Variants in CUL9 observed in about 807,000 individuals in gnomAD.
CUL9 encodes the protein cullin-9.
In CUL9, 79 loss-of-function variants were observed where a neutral mutation model predicts 272.6. That is an observed-to-expected ratio of 0.29 (90% CI 0.24 to 0.35). CUL9 has a LOEUF of 0.35. CUL9 is among the 10% of genes least tolerant of loss of function. CUL9 has a pLI of 1.00. For missense variants in CUL9, 2,532 were observed against 3,255.6 expected (o/e 0.78, Z 5.41); for synonymous variants, 1,186 against 1,286.5 (o/e 0.92, Z 1.67).
At chr6:43,205,473 G>A (rs1774973871) in intron 24 of CUL9, 50 bp downstream of exon 24, 2 of 1,586,024 alleles carry the variant, frequency 1.3e-6, no homozygotes, top group Non-Finnish European at 1.7e-6. Flanking sequence ...GATCTAGAGA[G>A]TGGAAAGATT....
chr6:43,200,105 C>T lies in CUL9; in HGVS notation c.3333C>T (p.Tyr1111=), dbSNP rs749934079. The stretch of plus-strand genomic sequence containing the variant: ...ACCTGGTGACAGAGTGTGAGAAGTA[C>T]GCACAGCTCTATAGCAACCTCACCT... ...LRDLVTECEK[Y]AQLYSNLTSS... The change falls in exon 14 of 41, where the codon TAC becomes TAT. Residue 1111 remains tyrosine, a synonymous_variant. Transcript: ENST00000252050. The surrounding 1 kb of genome is among the most constrained non-coding windows in gnomAD (Gnocchi z 4.0). The T allele has an allele frequency of 6.9e-5, 112 of 1,614,182 alleles. No homozygotes were observed. The highest frequency in any genetic ancestry group is 8.6e-5 in the Non-Finnish European group (102 of 1,180,028).
chr6:43,188,552 C>A lies in CUL9; in HGVS notation c.2017C>A (p.Pro673Thr). ...EMARALRGPG[P>T]RSSLDQHVAA... ...GGCCAGAGCCTTGCGGGGTCCCGGT[C>A]CTCGCAGCTCCCTGGATCAGCATGT... Residue 673 changes from proline to threonine, a missense_variant, in exon 8 of 41, where the codon CCT becomes ACT. Around this residue, in one of 3 missense-constraint regions of CUL9, gnomAD observed 2,218 missense variants for 2,788.6 expected, o/e 0.80. Transcript: ENST00000252050. The A allele has an allele frequency of 6.2e-7, 1 of 1,612,416 alleles. No homozygotes were observed. The highest frequency in any genetic ancestry group is 1.1e-5 in the South Asian group (1 of 90,818).
rs751659511 is a variant in CUL9, at chr6:43,200,179, C to G, written c.3384+23C>G. 1.9e-6 allele frequency: 3 copies of G among 1,598,538 alleles called. No homozygotes were observed. The highest frequency in any genetic ancestry group is 2.6e-6 in the Non-Finnish European group (3 of 1,167,566). On this transcript the variant is annotated intron_variant, in intron 14 of 40. Coordinates refer to ENST00000252050, the MANE Select transcript of CUL9 (RefSeq NM_015089.4). The surrounding 1 kb of genome is among the most constrained non-coding windows in gnomAD (Gnocchi z 4.0). The stretch of plus-strand genomic sequence containing the variant: ...CAGGTGAGGAGCGGCTGTGGGTATG[C>G]AGCTGAGAGAATGCAAGTCAGAAGC...
In CUL9 at chr6:43,196,265, G is replaced by A. The variant is rs1287142415; in HGVS notation, c.2585G>A (p.Gly862Glu). 2.5e-6 allele frequency: 4 copies of A among 1,611,984 alleles called. No homozygotes were observed. The highest frequency in any genetic ancestry group is 3.4e-6 in the Non-Finnish European group (4 of 1,179,120). ...GTGATCCTGATGCTGAATACTGAGG[G>A]GTCAGGGCATTACCTTCCCAACTCC... The part of the protein sequence containing the change: ...AAVILMLNTE[G>E]CSSAARNGLL... The change falls in exon 10 of 41, where the codon GGG becomes GAG. Residue 862 changes from glycine to glutamate, a missense_variant and splice_region_variant. Around this residue, in one of 3 missense-constraint regions of CUL9, gnomAD observed 2,218 missense variants for 2,788.6 expected, o/e 0.80. Coordinates refer to ENST00000252050, the MANE Select transcript of CUL9 (RefSeq NM_015089.4).
At chr6:43,201,481 A>T (rs1438317591) in intron 16 of CUL9, among the ~76,000 whole-genome samples, 3 of 152,164 alleles carry the variant, frequency 2.0e-5, no homozygotes, top group African/African-American at 7.2e-5. Context: ...CTTTATTTTT[A>T]TTTTTTTATA....
chr6:43,187,571 C>A, intron 6 of CUL9, 132 bp downstream of exon 6: 1 of 1,323,778 alleles, frequency 7.6e-7, no homozygotes, highest in Non-Finnish European at 1.1e-6. Flanking sequence ...AGGAGTCCTG[C>A]TGGGGGTTGG....
At position 43,184,597 on chromosome 6, in the gene CUL9, T is replaced by C; in HGVS notation, c.287T>C (p.Val96Ala). 1 of 1,612,210 alleles carries C rather than the reference T, an allele frequency of 6.2e-7. No homozygotes were observed. The highest frequency in any genetic ancestry group is 8.5e-7 in the Non-Finnish European group (1 of 1,178,622). ...SKGLQHEPAG[V>A]SGSFPRDPGG... ...GGACTTCAGCACGAACCAGCTGGGG[T>C]TTCAGGAAGCTTTCCTCGAGATCCA... The change falls in exon 2 of 41, where the codon GTT becomes GCT. Residue 96 changes from valine to alanine, a missense_variant. Val to Ala is a moderately conservative substitution (Grantham distance 64). Coordinates refer to ENST00000252050, the MANE Select transcript of CUL9 (RefSeq NM_015089.4). This position sits in a 1 kb window ranked among gnomAD's most constrained non-coding sequence, Gnocchi z 4.8.
At position 43,222,657 on chromosome 6, in the gene CUL9, GGAAGA is replaced by G; in HGVS notation, c.7032+19_7032+23del. 6.2e-7 allele frequency: 1 copy of G among 1,610,938 alleles called. No individual in the cohort carries two copies. Among genetic ancestry groups the G allele is most frequent in the Non-Finnish European group, 8.5e-7 (1 of 1,179,744 alleles). On this transcript the variant is annotated intron_variant, in intron 37 of 40. Transcript: ENST00000252050. ...GGCTCGGAAGGTGGTAGCGGGTGGG[GGAAGA>G]GAGCAGGGGAGGGGTGTGCCAAATG...
Position 43,186,228 on chromosome 6 carries a change from A to G in CUL9, c.1024A>G (p.Ile342Val). The change falls in exon 4 of 41, where the codon ATT (isoleucine) becomes GTT (valine). Residue 342 changes from isoleucine (I) to valine (V), a missense_variant. Around this residue, in one of 3 missense-constraint regions of CUL9, gnomAD observed 2,218 missense variants for 2,788.6 expected, o/e 0.80. Coordinates refer to ENST00000252050, the MANE Select transcript of CUL9 (RefSeq NM_015089.4). ...RPTRSIFQPY[I>V]SGPSLLLPTI... ...AACCCGGTCCATCTTTCAGCCCTACATTTCAGGCCCCAGCCTTTTACTCCC... is the reference window on the plus strand; with the variant it reads ...AACCCGGTCCATCTTTCAGCCCTACGTTTCAGGCCCCAGCCTTTTACTCCC... The G allele has an allele frequency of 1.2e-6, 2 of 1,614,142 alleles. No homozygotes were observed. The highest frequency in any genetic ancestry group is 1.7e-6 in the Non-Finnish European group (2 of 1,180,026).
chr6:43,191,481 A>ATTTTTTTTTTTTT (rs34090146), intron 8 of CUL9, among the ~76,000 whole-genome samples: 28 of 97,442 alleles, frequency 2.9e-4, no homozygotes, highest in African/African-American at 1.3e-3. Flanking sequence ...CACCCAGCTA[A>ATTTTTTTTTTTTT]TTTTTTTTTT....
intron 26 of CUL9, among the ~76,000 whole-genome samples, chr6:43,210,858 A>G (rs1188836318): frequency 6.6e-6 from 1 of 152,144 alleles, no homozygotes; most frequent in Non-Finnish European, 1.5e-5. Flanking sequence ...TAACACCTAT[A>G]TACATATGAT....
rs200928086 is a variant in CUL9 at position 43,215,215 on chromosome 6, G to A, written c.5825G>A (p.Arg1942His). The A allele has an allele frequency of 6.2e-6, 10 of 1,614,218 alleles. No individual in the cohort carries two copies. The highest frequency in any genetic ancestry group is 1.3e-5 in the African/African-American group (1 of 75,062). ...TTAGGCCAGGGCTACGTGAAACGGCGTGATGACCGGCCCCAGATCCTGATG... is the reference window on the plus strand; with the variant it reads ...TTAGGCCAGGGCTACGTGAAACGGCATGATGACCGGCCCCAGATCCTGATG... Reference protein sequence around the residue: ...HLLGQGYVKRRDDRPQILMYA... With the variant: ...HLLGQGYVKRHDDRPQILMYA... The change falls in exon 30 of 41, where the codon CGT becomes CAT. Residue 1942 changes from arginine (R) to histidine (H), a missense_variant. By Grantham distance (29) the Arg-to-His change is conservative (BLOSUM62 0). Around this residue, in one of 3 missense-constraint regions of CUL9, gnomAD observed 2,218 missense variants for 2,788.6 expected, o/e 0.80. Transcript: ENST00000252050.
chr6:43,200,317 G>C lies in CUL9; in HGVS notation c.3385-119G>C. 6.5e-7 allele frequency: 1 copy of C among 1,542,732 alleles called. No individual in the cohort carries two copies. On this transcript the variant is annotated intron_variant, in intron 14 of 40. Transcript: ENST00000252050. The surrounding 1 kb of genome is among the most constrained non-coding windows in gnomAD (Gnocchi z 4.0). ...ACTCCACATGGTTCTGTCAAAATGT[G>C]GGGAGAGAGGAGTTGAGTATACCGT...
intron 16 of CUL9, among the ~76,000 whole-genome samples, chr6:43,201,085 CA>C (rs967516715): frequency 6.6e-6 from 1 of 152,244 alleles, no homozygotes; most frequent in African/African-American, 2.4e-5. Context: ...GGGAGATAAA[CA>C]GCTCACTTAT....
intron 26 of CUL9, among the ~76,000 whole-genome samples, chr6:43,212,511 C>T (rs1775597961): frequency 6.6e-6 from 1 of 152,174 alleles, no homozygotes; most frequent in Admixed American, 6.5e-5. Flanking sequence ...TTTCCACTTC[C>T]AATTATTTTT....
rs568565110 is a variant in CUL9 at position 43,192,993 on chromosome 6, C to G, written c.2181-8C>G. ...GATGGGGAGCCCCAATATCTCTTCT[C>G]TTGTCAGAGAGAAGCTAGTGAAGAT... On this transcript the variant is annotated splice_region_variant and splice_polypyrimidine_tract_variant and intron_variant, in intron 8 of 40. Transcript: ENST00000252050. 1.4e-5 allele frequency: 23 copies of G among 1,613,730 alleles called. No individual in the cohort carries two copies. In the East Asian group the frequency reaches 4.5e-4, roughly 31 times the overall value.
In CUL9 at chr6:43,223,454, C is replaced by T; in HGVS notation, c.7284+57C>T. On this transcript the variant is annotated intron_variant, in intron 39 of 40. Coordinates refer to ENST00000252050, the MANE Select transcript of CUL9 (RefSeq NM_015089.4). This position sits in a 1 kb window ranked among gnomAD's most constrained non-coding sequence, Gnocchi z 4.1. ...GCATTCTGCGGGAGTTGAGGTCCTC[C>T]TGTCCCAGCACAGCCCCTGCCCTGG... The T allele has an allele frequency of 6.5e-7, 1 of 1,531,522 alleles. No individual in the cohort carries two copies. The highest frequency in any genetic ancestry group is 8.8e-7 in the Non-Finnish European group (1 of 1,131,788). The allele number at this position is 1,531,522 out of a possible 1,614,324, so 94.9% of individuals were successfully genotyped here. A position where few individuals can be genotyped will look rare whatever the true frequency, so the allele number is the denominator to read the frequency against.
In CUL9 at chr6:43,223,810, G is replaced by C; in HGVS notation, c.7285-285G>C. On this transcript the variant is annotated intron_variant, in intron 39 of 40. Transcript: ENST00000252050. The surrounding 1 kb of genome is among the most constrained non-coding windows in gnomAD (Gnocchi z 4.1). ...CACTGATGCTGAGTCTAAACTGTGAGTCCTGTCCTCAGGTTGCTTACTGAC... is the reference window on the plus strand; with the variant it reads ...CACTGATGCTGAGTCTAAACTGTGACTCCTGTCCTCAGGTTGCTTACTGAC... The C allele has an allele frequency of 1.9e-6, 1 of 534,156 alleles. No individual in the cohort carries two copies. The highest frequency in any genetic ancestry group is 3.3e-5 in the East Asian group (1 of 30,120). The allele number at this position is 534,156 out of a possible 1,614,324, so 33.1% of individuals were successfully genotyped here.
chr6:43,204,833 C>T lies in CUL9; in HGVS notation c.4425C>T (p.Cys1475=), dbSNP rs1717174744. ...PSSSLRNITQ[C]WLSVVQEQVS... ...GCAGCCTGAGGAACATAACCCAGTGCTGGCTGAGCGTGGTGCAGGAGCAGG... is the reference window on the plus strand; with the variant it reads ...GCAGCCTGAGGAACATAACCCAGTGTTGGCTGAGCGTGGTGCAGGAGCAGG... Residue 1475 remains cysteine, a synonymous_variant, in exon 22 of 41, where the codon TGC becomes TGT. Transcript: ENST00000252050. The T allele has an allele frequency of 1.2e-6, 2 of 1,614,116 alleles. No homozygotes were observed. The highest frequency in any genetic ancestry group is 1.3e-5 in the African/African-American group (1 of 74,950).
Sources: allele counts gnomAD v4.1 joint callset (sites outside exome capture counted in the v4.1 genomes callset), GRCh38; gene constraint gnomAD v4.1.1; regional missense constraint gnomAD v4.1.1; non-coding constraint Gnocchi (gnomAD v3.1); transcripts MANE v1.5; gene names NCBI Gene and HGNC (gene_info 2026-07-23, HGNC 2026-07-21).